DPY19L1: variants seen among roughly 807,000 people sequenced by gnomAD.
The protein encoded by DPY19L1 is dpy-19 like C-mannosyltransferase 1.
In DPY19L1, 35 loss-of-function variants were observed where a neutral mutation model predicts 96.9. The observed-to-expected ratio is 0.36, with a 90% CI of 0.28 to 0.48. The LOEUF is 0.48. Ranked by LOEUF, DPY19L1 falls within the 20% of genes least tolerant of loss-of-function variation. The pLI is 0.99. For missense variants in DPY19L1, 521 were observed against 777.9 expected (o/e 0.67, Z 3.93); for synonymous variants, 205 against 252.6 (o/e 0.81, Z 1.79).
chr7:35,037,866 G>C, upstream of DPY19L1: 1 of 1,236,590 alleles, frequency 8.1e-7, no homozygotes, highest in Non-Finnish European at 1.0e-6. Context: ...CGCGGGGGCG[G>C]ACGGCCTTCC....
At chr7:34,987,318 A>C (rs1785071516) in intron 7 of DPY19L1, among the ~76,000 whole-genome samples, 2 of 152,084 alleles carry the variant, frequency 1.3e-5, no homozygotes. Flanking sequence ...ATTACTGATC[A>C]TTATTATAAA....
chr7:34,972,284 G>T (rs146999022), intron 8 of DPY19L1, among the ~76,000 whole-genome samples: 64 of 152,300 alleles, frequency 4.2e-4, no homozygotes, highest in African/African-American at 1.5e-3. Context: ...CAAGATAGTA[G>T]ATCCCAGTTT....
At position 34,930,952 on chromosome 7, in the gene DPY19L1, C is replaced by CTAA. The variant is rs1327021375; in HGVS notation, c.*618_*620dup. On this transcript the variant is annotated 3_prime_UTR_variant, in exon 22 of 22. Coordinates refer to ENST00000638088, the MANE Select transcript of DPY19L1 (RefSeq NM_001366673.1). ...TATGGCTGGAAGTTAAGGGAATTTC[C>CTAA]TAACCACAAGGTCCAAGAGTTTGGA... 6.6e-6 allele frequency: 1 copy of CTAA among 152,058 alleles called. No individual in the cohort carries two copies. Among genetic ancestry groups the CTAA allele is most frequent in the East Asian group, 1.9e-4 (1 of 5,190 alleles). 9.4% of individuals were successfully genotyped at this position (152,058 alleles called of 1,614,324 possible). A position where few individuals can be genotyped will look rare whatever the true frequency, so the allele number is the denominator to read the frequency against.
chr7:35,036,592 C>CA (rs1786406503), intron 1 of DPY19L1, among the ~76,000 whole-genome samples: 1 of 152,112 alleles, frequency 6.6e-6, no homozygotes, highest in Non-Finnish European at 1.5e-5. Context: ...AAAGTGCCAC[C>CA]AGCGGCGTTT....
chr7:35,022,411 C>T (rs191351464), intron 1 of DPY19L1, among the ~76,000 whole-genome samples: 291 of 152,290 alleles, frequency 1.9e-3, no homozygotes, highest in African/African-American at 6.4e-3. Context: ...ACAGAAATTA[C>T]CTACAACCTA....
At chr7:34,988,624 T>A (rs1054004625) in intron 7 of DPY19L1, among the ~76,000 whole-genome samples, 1 of 152,098 alleles carries the variant, frequency 6.6e-6, no homozygotes, top group Non-Finnish European at 1.5e-5. Context: ...ATTACTGTTA[T>A]AGCACATGTT....
chr7:34,932,547 T>C (rs572349316), intron 21 of DPY19L1, among the ~76,000 whole-genome samples: 3 of 152,290 alleles, frequency 2.0e-5, no homozygotes, highest in African/African-American at 7.2e-5. Context: ...AAAAAATCAG[T>C]AGGTCAAAAC....
intron 7 of DPY19L1, among the ~76,000 whole-genome samples, chr7:34,988,859 G>T (rs182712778): frequency 4.0e-4 from 61 of 152,312 alleles, no homozygotes; most frequent in African/African-American, 1.4e-3. Context: ...AAGTTAATTA[G>T]TCAATAACAG....
At chr7:34,943,984 C>T (rs977911293) in intron 16 of DPY19L1, among the ~76,000 whole-genome samples, 1 of 152,180 alleles carries the variant, frequency 6.6e-6, no homozygotes, top group South Asian at 2.1e-4. Context: ...AGGATTCTCT[C>T]AGGAGTATGT....
intron 1 of DPY19L1, among the ~76,000 whole-genome samples, chr7:35,020,689 T>G (rs1785975157): frequency 6.6e-6 from 1 of 152,212 alleles, no homozygotes; most frequent in South Asian, 2.1e-4. Flanking sequence ...TTTTTAAACT[T>G]ATCTTCAGTT....
chr7:35,029,073 C>T (rs771409004), intron 1 of DPY19L1, among the ~76,000 whole-genome samples: 11 of 152,138 alleles, frequency 7.2e-5, no homozygotes, highest in Non-Finnish European at 1.3e-4. Flanking sequence ...CTTTTGCTGA[C>T]CTCCCATCTT....
chr7:34,944,771 T>C (rs1784106980), intron 16 of DPY19L1, among the ~76,000 whole-genome samples: 1 of 152,216 alleles, frequency 6.6e-6, no homozygotes, highest in East Asian at 1.9e-4. Flanking sequence ...TGTATTTCTG[T>C]GAGCATCTCT....
At chr7:34,957,886 T>C in intron 11 of DPY19L1, 98 bp downstream of exon 11, 3 of 724,572 alleles carry the variant, frequency 4.1e-6, no homozygotes, top group Non-Finnish European at 6.9e-6. Context: ...CTTAAGATGG[T>C]TCCTACAGAA....
chr7:34,982,057 CA>C (rs1784951065), intron 7 of DPY19L1, among the ~76,000 whole-genome samples: 2 of 152,102 alleles, frequency 1.3e-5, no homozygotes, highest in South Asian at 4.1e-4. Flanking sequence ...TTAGACTCCT[CA>C]AAAATGTTAA....
chr7:35,022,289 C>A (rs1786013515), intron 1 of DPY19L1, among the ~76,000 whole-genome samples: 1 of 152,024 alleles, frequency 6.6e-6, no homozygotes, highest in Admixed American at 6.5e-5. Flanking sequence ...AAAATCCAAA[C>A]CTATTCTATA....
chr7:34,969,824 TA>T (rs1183536176), intron 8 of DPY19L1, among the ~76,000 whole-genome samples: 2 of 152,210 alleles, frequency 1.3e-5, no homozygotes, highest in Non-Finnish European at 2.9e-5. Flanking sequence ...ACTGAATATT[TA>T]AAAATACTGA....
chr7:35,022,626 A>T (rs1319298722), intron 1 of DPY19L1, among the ~76,000 whole-genome samples: 1 of 152,226 alleles, frequency 6.6e-6, no homozygotes, highest in Non-Finnish European at 1.5e-5. Context: ...CATTTACCAA[A>T]CTTTACTACA....
chr7:35,033,072 A>G (rs1425397767), intron 1 of DPY19L1, among the ~76,000 whole-genome samples: 1 of 152,192 alleles, frequency 6.6e-6, no homozygotes, highest in South Asian at 2.1e-4. Flanking sequence ...GCATTCCTCA[A>G]TGGCTTCCTG....
Position 34,949,832 on chromosome 7 carries a change from T to C in DPY19L1, c.1387A>G (p.Thr463Ala). Residue 463 changes from threonine (T) to alanine (A), a missense_variant, in exon 14 of 22, where the codon ACC becomes GCC. Physicochemically the swap from Thr to Ala is moderately conservative, Grantham distance 58. Coordinates refer to ENST00000638088, the MANE Select transcript of DPY19L1 (RefSeq NM_001366673.1). ...ATAAAGTCAAACTCCGCTGCACAGG[T>C]ATACAATAAAGTATCAAAATCCTTA... ...SYKDFDTLLY[T>A]CAAEFDFMEK... is the part of the protein sequence containing the mutation. The C allele has an allele frequency of 6.2e-7, 1 of 1,604,256 alleles. No individual in the cohort carries two copies.
Sources: allele counts gnomAD v4.1 joint callset (sites outside exome capture counted in the v4.1 genomes callset), GRCh38; gene constraint gnomAD v4.1.1; transcripts MANE v1.5; gene names NCBI Gene and HGNC (gene_info 2026-07-23, HGNC 2026-07-21).